Variants in DPH7 observed in about 807,000 individuals in gnomAD.
The protein encoded by DPH7 is diphthamide biosynthesis 7, also known as diphthine methyltransferase.
DPH7 carries 44 observed loss-of-function variants against 41.7 expected under a neutral mutation model. The ratio of observed to expected loss-of-function variants is 1.05; its 90% confidence interval spans 0.83 to 1.36. DPH7 has a LOEUF of 1.36. Among genes scored for constraint, DPH7 ranks in the 40% most tolerant of loss-of-function variants. DPH7 has a pLI of 0.00. For synonymous variants in DPH7, 275 were observed against 238.0 expected (o/e 1.16, Z -1.43); for missense variants, 629 against 577.5 (o/e 1.09, Z -0.91).
At chr9:137,558,390 C>T (rs371787725) in intron 8 of DPH7, among the ~76,000 whole-genome samples, 5 of 152,052 alleles carry the variant, frequency 3.3e-5, no homozygotes, top group Admixed American at 6.5e-5. Flanking sequence ...GGACACAAGA[C>T]CCTCTCTTTA....
At chr9:137,559,670 C>A (rs1007930330) in intron 8 of DPH7, among the ~76,000 whole-genome samples, 1 of 152,030 alleles carries the variant, frequency 6.6e-6, no homozygotes, top group Non-Finnish European at 1.5e-5. Flanking sequence ...AGCTGTCTTT[C>A]TCTCTCTCTC....
Position 137,575,793 on chromosome 9 carries a change from G to T in DPH7, c.375+287C>A, listed in dbSNP as rs948039394. 1.3e-5 allele frequency: 16 copies of T among 1,224,586 alleles called. No individual in the cohort carries two copies. In the South Asian group the frequency reaches 3.1e-4, roughly 23 times the overall value. 75.9% of individuals were successfully genotyped at this position (1,224,586 alleles called of 1,614,324 possible). A position where few individuals can be genotyped will look rare whatever the true frequency, so the allele number is the denominator to read the frequency against. On this transcript the variant is annotated intron_variant, in intron 3 of 8. Coordinates refer to ENST00000277540, the MANE Select transcript of DPH7 (RefSeq NM_138778.5). ...TGGGCCCCAGCATCAACCTAAGAAT[G>T]CTTGCCCAGGCTCTCCTTAGAGAAC...
intron 8 of DPH7, among the ~76,000 whole-genome samples, chr9:137,563,699 G>C (rs534125491): frequency 2.5e-4 from 38 of 152,286 alleles, no homozygotes; most frequent in Middle Eastern, 3.4e-3. Flanking sequence ...GGGCTTAATG[G>C]TGGGAAGATG....
intron 1 of DPH7, 65 bp from the exon 2 acceptor site, chr9:137,577,668 A>G (rs1841660737): frequency 1.9e-6 from 3 of 1,575,252 alleles, no homozygotes; most frequent in Non-Finnish European, 2.6e-6. Context: ...AGGATGGGAA[A>G]AGGGATCCAA....
intron 1 of DPH7, chr9:137,578,418 G>A: frequency 4.1e-6 from 2 of 492,476 alleles, no homozygotes; most frequent in South Asian, 6.6e-5. Flanking sequence ...CGTCCGCCTC[G>A]GCCTCCCAAA....
chr9:137,555,127 TG>T lies in DPH7; in HGVS notation c.*111del. 1 of 1,350,398 alleles carries T rather than the reference TG, an allele frequency of 7.4e-7. No individual in the cohort carries two copies. Among genetic ancestry groups the T allele is most frequent in the Non-Finnish European group, 9.9e-7 (1 of 1,008,500 alleles). The allele number at this position is 1,350,398 out of a possible 1,614,324, so 83.7% of individuals were successfully genotyped here. On this transcript the variant is annotated 3_prime_UTR_variant, in exon 9 of 9. Coordinates refer to ENST00000277540, the MANE Select transcript of DPH7 (RefSeq NM_138778.5). Reference sequence around the variant, plus strand: ...CTGACTACACTGTGGATTCCATCAGTGCACAGGCACCTGCAGGGCTGCAGTA... The same window carrying T: ...CTGACTACACTGTGGATTCCATCAGTCACAGGCACCTGCAGGGCTGCAGTA...
At chr9:137,558,727 A>C (rs1188090964) in intron 8 of DPH7, among the ~76,000 whole-genome samples, 1 of 152,192 alleles carries the variant, frequency 6.6e-6, no homozygotes, top group Non-Finnish European at 1.5e-5. Context: ...CAGTATTTTG[A>C]ATGTCTTCTT....
Position 137,555,492 on chromosome 9 carries a change from C to T in DPH7, c.1106G>A (p.Gly369Asp), listed in dbSNP as rs745369616. ...NLGTKTADLK[G>D]ASELPTPCHE... ...ACAGGGTGTTGGCAACTCGCTTGCA[C>T]CCTTCAGGTCTGCCGTCTTGGTTCC... is the stretch of plus-strand genomic sequence containing the variant. The change falls in exon 9 of 9, where the codon GGT becomes GAT. Residue 369 changes from glycine (G) to aspartate (D), a missense_variant. Gly to Asp is a moderately conservative substitution (Grantham distance 94). Transcript: ENST00000277540. 5 of 1,614,164 alleles carry T rather than the reference C, an allele frequency of 3.1e-6. No homozygotes were observed. Among genetic ancestry groups the T allele is most frequent in the Non-Finnish European group, 3.4e-6 (4 of 1,180,028 alleles).
intron 5 of DPH7, among the ~76,000 whole-genome samples, chr9:137,570,684 A>C (rs1840280763): frequency 6.6e-6 from 1 of 151,990 alleles, no homozygotes; most frequent in Non-Finnish European, 1.5e-5. Flanking sequence ...CTGGCCCATT[A>C]CCTCTGATTT....
Position 137,556,417 on chromosome 9 carries a change from G to A in DPH7, c.950-769C>T, listed in dbSNP as rs1286174821. Among the ~76,000 whole-genome samples the A allele has an allele frequency of 6.6e-6, 1 of 152,226 alleles. No individual in the cohort carries two copies. Among genetic ancestry groups the A allele is most frequent in the Non-Finnish European group, 1.5e-5 (1 of 68,038 alleles). The stretch of plus-strand genomic sequence containing the variant: ...TGGCCACTTGGGCTCTGAAAGGGCT[G>A]CCATCGCTACCTCTGAAGTACAGGG... On this transcript the variant is annotated intron_variant, in intron 8 of 8. Transcript: ENST00000277540. This position sits in a 1 kb window ranked among gnomAD's most constrained non-coding sequence, Gnocchi z 5.2.
In DPH7 at chr9:137,560,550, C is replaced by T. The variant is rs994311060; in HGVS notation, c.949+3884G>A. Among the ~76,000 whole-genome samples the T allele has an allele frequency of 1.5e-4, 23 of 151,554 alleles. 1 individual carries two copies. Among genetic ancestry groups the T allele is most frequent in the Non-Finnish European group, 2.9e-5 (2 of 67,948 alleles). On this transcript the variant is annotated intron_variant, in intron 8 of 8. Coordinates refer to ENST00000277540, the MANE Select transcript of DPH7 (RefSeq NM_138778.5). ...CCTGGCTAACACGGCGAAACCCTGT[C>T]TCTAATAAAAATACAAAAAATTGGC...
chr9:137,578,421 C>T (rs965919873), intron 1 of DPH7: 6 of 522,266 alleles, frequency 1.1e-5, no homozygotes, highest in Non-Finnish European at 1.9e-5. Context: ...CCGCCTCGGC[C>T]TCCCAAAGTG....
chr9:137,575,425 C>G (rs1841207832), intron 3 of DPH7: 5 of 988,824 alleles, frequency 5.1e-6, no homozygotes, highest in Admixed American at 5.9e-5. Flanking sequence ...GCACTCCTCC[C>G]TTGGGCCCAC....
chr9:137,578,576 AC>A lies in DPH7; in HGVS notation c.153+48del, dbSNP rs2133260125. 7.0e-6 allele frequency: 10 copies of A among 1,423,692 alleles called. No individual in the cohort carries two copies. In the South Asian group the frequency reaches 1.3e-4, roughly 19 times the overall value. 88.2% of individuals were successfully genotyped at this position (1,423,692 alleles called of 1,614,324 possible). On this transcript the variant is annotated intron_variant, in intron 1 of 8. Transcript: ENST00000277540. ...CGATTCGGTGCGCCTTTCGGCCTCA[AC>A]CTCGTGGCCGGCCCCGCCCTCCCCT...
intron 3 of DPH7, chr9:137,575,627 A>G: frequency 3.0e-6 from 3 of 1,011,434 alleles, no homozygotes; most frequent in Non-Finnish European, 3.6e-6. Flanking sequence ...CTCCTCCCCG[A>G]CAGCTATCAG....
At chr9:137,577,996 C>A in intron 1 of DPH7, 1 of 985,294 alleles carries the variant, frequency 1.0e-6, no homozygotes, top group Non-Finnish European at 1.2e-6. Flanking sequence ...TGGGCCACAC[C>A]TGTATATAGA....
intron 5 of DPH7, among the ~76,000 whole-genome samples, chr9:137,571,746 C>T (rs1840476679): frequency 6.6e-6 from 1 of 152,032 alleles, no homozygotes; most frequent in Non-Finnish European, 1.5e-5. Context: ...CAAGATTGTA[C>T]CACTGCCCTC....
In DPH7 at chr9:137,556,012, G is replaced by C. The variant is rs1271475535; in HGVS notation, c.950-364C>G. 1.3e-5 allele frequency among the ~76,000 whole-genome samples: 2 copies of C among 152,176 alleles called. No homozygotes were observed. Among genetic ancestry groups the C allele is most frequent in the Non-Finnish European group, 2.9e-5 (2 of 68,036 alleles). ...GCTGGGAAGGAAGGGGATGTCTGAG[G>C]AACAGGCAGCATGTGTACAGCAGAG... On this transcript the variant is annotated intron_variant, in intron 8 of 8. Coordinates refer to ENST00000277540, the MANE Select transcript of DPH7 (RefSeq NM_138778.5). The surrounding 1 kb of genome is among the most constrained non-coding windows in gnomAD (Gnocchi z 5.2).
In DPH7 at chr9:137,555,030, C is replaced by G. The variant is rs1405834565; in HGVS notation, c.*209G>C. ...AACCGCGTCTTTTCCCCACTCTCTG[C>G]CAGACAGAATCACCCAGTCCACTTT... On this transcript the variant is annotated 3_prime_UTR_variant, in exon 9 of 9. Transcript: ENST00000277540. The G allele has an allele frequency of 2.0e-6, 1 of 508,284 alleles. No homozygotes were observed. The highest frequency in any genetic ancestry group is 3.2e-6 in the Non-Finnish European group (1 of 314,870). The allele number at this position is 508,284 out of a possible 1,614,324, so 31.5% of individuals were successfully genotyped here.
Sources: gnomAD v4.1 joint callset for allele counts (sites outside exome capture counted in the v4.1 genomes callset) on GRCh38, gnomAD v4.1.1 for gene constraint, Gnocchi (gnomAD v3.1) non-coding constraint, MANE v1.5 for transcripts, NCBI Gene and HGNC (gene_info 2026-07-23, HGNC 2026-07-21) for gene names.